The following SPNS2 variants were observed in gnomAD, a reference collection of about 807,000 sequenced individuals.
The protein encoded by SPNS2 is sphingosine-1-phosphate transporter SPNS2.
SPNS2 carries 37 observed loss-of-function variants against 57.6 expected under a neutral mutation model. The ratio of observed to expected loss-of-function variants is 0.64; its 90% confidence interval spans 0.49 to 0.85. The LOEUF is 0.85. SPNS2 is among the 40% of genes least tolerant of loss of function. The pLI, the probability that SPNS2 is intolerant of heterozygous loss-of-function variation, is 0.00. For missense variants in SPNS2, 831 were observed against 779.1 expected (o/e 1.07, Z -0.79); for synonymous variants, 440 against 346.9 (o/e 1.27, Z -2.98).
At chr17:4,533,562 C>T in intron 8 of SPNS2, 130 bp downstream of exon 8, 1 of 1,115,072 alleles carries the variant, frequency 9.0e-7, no homozygotes, top group Non-Finnish European at 1.3e-6. Context: ...TCTGGCTGCC[C>T]CTGCTCATCC....
intron 1 of SPNS2, among the ~76,000 whole-genome samples, chr17:4,500,658 T>C (rs1305404182): frequency 6.6e-6 from 1 of 152,100 alleles, no homozygotes; most frequent in East Asian, 1.9e-4. Context: ...AAGAGAACTT[T>C]GCGGCAATTG....
At chr17:4,535,326 G>C (rs932753813) in intron 9 of SPNS2, among the ~76,000 whole-genome samples, 1 of 152,214 alleles carries the variant, frequency 6.6e-6, no homozygotes, top group Non-Finnish European at 1.5e-5. Flanking sequence ...CTTGCAGGCA[G>C]GGGCCTGCCT....
intron 2 of SPNS2, 30 bp downstream of exon 2, chr17:4,513,342 C>A (rs369765060): frequency 6.2e-7 from 1 of 1,611,856 alleles, no homozygotes; most frequent in African/African-American, 1.3e-5. Flanking sequence ...TTCCCCCCCA[C>A]GCCCAGGCGT....
chr17:4,532,345 C>T (rs1180513256), intron 5 of SPNS2, among the ~76,000 whole-genome samples, 197 bp from the exon 6 acceptor site: 1 of 152,192 alleles, frequency 6.6e-6, no homozygotes, highest in Non-Finnish European at 1.5e-5. Flanking sequence ...TCTGGACAGG[C>T]CATCTCAAGC....
chr17:4,532,153 TCCGTCTGTCCATCTGTC>T (rs1448964292), intron 5 of SPNS2, among the ~76,000 whole-genome samples: 1 of 123,574 alleles, frequency 8.1e-6, no homozygotes, highest in African/African-American at 3.0e-5. Flanking sequence ...CATCTGTCCA[TCCGTCTGTCCATCTGTC>T]CATCTATCCG....
At chr17:4,531,388 G>C (rs1243718898) in intron 5 of SPNS2, among the ~76,000 whole-genome samples, 1 of 152,082 alleles carries the variant, frequency 6.6e-6, no homozygotes, top group Non-Finnish European at 1.5e-5. Context: ...GGAGTCCCAG[G>C]TTGAGAGAAC....
intron 9 of SPNS2, among the ~76,000 whole-genome samples, chr17:4,535,019 C>G (rs1044158586): frequency 1.2e-4 from 19 of 152,198 alleles, no homozygotes; most frequent in Admixed American, 3.3e-4. Context: ...ACCCGCCCCC[C>G]ACCTCTCCCG....
intron 2 of SPNS2, among the ~76,000 whole-genome samples, chr17:4,517,483 C>T (rs1205633585): frequency 2.0e-5 from 3 of 152,166 alleles, no homozygotes; most frequent in South Asian, 2.1e-4. Context: ...ACATGGTGAA[C>T]CCCATCTCTA....
chr17:4,536,872 C>T (rs1191478082), intron 11 of SPNS2, 28 bp from the exon 12 acceptor site: 2 of 1,611,260 alleles, frequency 1.2e-6, no homozygotes, highest in East Asian at 4.5e-5. Flanking sequence ...TGATGCACCA[C>T]CCTGACCCCC....
intron 1 of SPNS2, among the ~76,000 whole-genome samples, chr17:4,506,645 C>T (rs1421497838): frequency 1.3e-5 from 2 of 152,208 alleles, no homozygotes; most frequent in African/African-American, 2.4e-5. Context: ...ACACTCTGAG[C>T]TCCAGGGTGG....
Position 4,532,972 on chromosome 17 carries a change from C to A in SPNS2, c.936-5C>A, listed in dbSNP as rs1239711605. The A allele has an allele frequency of 6.2e-7, 1 of 1,609,162 alleles. No homozygotes were observed. Among genetic ancestry groups the A allele is most frequent in the South Asian group, 1.1e-5 (1 of 90,462 alleles). On this transcript the variant is annotated splice_polypyrimidine_tract_variant and splice_region_variant and intron_variant, in intron 6 of 12. Transcript: ENST00000329078. The stretch of plus-strand genomic sequence containing the variant: ...GCTCAGTGTCACTGCCTGGCCTCTC[C>A]CCAGCCGCAGCTACGTCTTCTCCTC...
rs1904793522 is a variant in SPNS2 at position 4,510,160 on chromosome 17, G to A, written c.371-3087G>A. ...CGCCTCCAGGCCCGGAAGAGGGAAA[G>A]CAAGCCAGAAAGGTTCAGCCCAGGT... On this transcript the variant is annotated intron_variant, in intron 1 of 12. Transcript: ENST00000329078. This position sits in a 1 kb window ranked among gnomAD's most constrained non-coding sequence, Gnocchi z 4.4. Among the ~76,000 whole-genome samples the A allele has an allele frequency of 1.3e-5, 2 of 152,252 alleles. No homozygotes were observed. Among genetic ancestry groups the A allele is most frequent in the Admixed American group, 1.3e-4 (2 of 15,294 alleles).
At chr17:4,534,631 G>A (rs114310965) in intron 9 of SPNS2, among the ~76,000 whole-genome samples, 5,474 of 152,196 alleles carry the variant, frequency 0.036, 303 homozygotes, top group African/African-American at 0.12. Context: ...CCTGCACTTC[G>A]GGAAGCCTGC....
chr17:4,527,798 T>G (rs1425757971), intron 3 of SPNS2, among the ~76,000 whole-genome samples: 2 of 151,646 alleles, frequency 1.3e-5, no homozygotes, highest in African/African-American at 4.9e-5. Flanking sequence ...CTGGTGGGAG[T>G]GTAAATTGGT....
At chr17:4,513,120 G>T (rs1002674461) in intron 1 of SPNS2, 127 bp from the exon 2 acceptor site, 2 of 1,010,816 alleles carry the variant, frequency 2.0e-6, no homozygotes, top group Non-Finnish European at 3.0e-6. Context: ...GGTAGAGGTC[G>T]CAGCAGAGCA....
chr17:4,521,441 C>G (rs2144340048), intron 2 of SPNS2, among the ~76,000 whole-genome samples: 1 of 152,350 alleles, frequency 6.6e-6, no homozygotes, highest in South Asian at 2.1e-4. Flanking sequence ...CCAGTGTTGA[C>G]CAAGGCCGGC....
intron 3 of SPNS2, 41 bp downstream of exon 3, chr17:4,525,234 G>A (rs957367769): frequency 6.2e-7 from 1 of 1,605,560 alleles, no homozygotes; most frequent in African/African-American, 1.3e-5. Flanking sequence ...CTGTGTCCTG[G>A]TCCCTCCAGC....
In SPNS2 at chr17:4,537,998, G is replaced by A. The variant is rs1567599462; in HGVS notation, c.*550G>A. 3 of 353,128 alleles carry A rather than the reference G, an allele frequency of 8.5e-6. No homozygotes were observed. The highest frequency in any genetic ancestry group is 1.1e-5 in the Non-Finnish European group (2 of 176,154). The allele number at this position is 353,128 out of a possible 1,614,324, so 21.9% of individuals were successfully genotyped here. A position where few individuals can be genotyped will look rare whatever the true frequency, so the allele number is the denominator to read the frequency against. On this transcript the variant is annotated 3_prime_UTR_variant, in exon 13 of 13. Transcript: ENST00000329078. Reference sequence around the variant, plus strand: ...TGCTCAGCTGGGCCTCGGACCTTGGGGATATTGGACGCAACCTGGCAAATG... The same window carrying A: ...TGCTCAGCTGGGCCTCGGACCTTGGAGATATTGGACGCAACCTGGCAAATG...
chr17:4,535,999 A>C, intron 9 of SPNS2, 77 bp from the exon 10 acceptor site: 1 of 1,266,338 alleles, frequency 7.9e-7, no homozygotes, highest in Non-Finnish European at 1.1e-6. Flanking sequence ...GGGCTTCAGA[A>C]GTGCCACGGC....
Sources: allele counts gnomAD v4.1 joint callset (sites outside exome capture counted in the v4.1 genomes callset), GRCh38; gene constraint gnomAD v4.1.1; non-coding constraint Gnocchi (gnomAD v3.1); transcripts MANE v1.5; gene names NCBI Gene and HGNC (gene_info 2026-07-23, HGNC 2026-07-21).